IMP4: variants seen among roughly 807,000 people sequenced by gnomAD.
IMP4 encodes U3 small nucleolar ribonucleoprotein IMP4.
A neutral mutation model predicts 42.7 loss-of-function variants in IMP4; 30 were observed. That is an observed-to-expected ratio of 0.70 (90% CI 0.53 to 0.95). IMP4 has a LOEUF of 0.95. Ranked by LOEUF, IMP4 falls within the 40% of genes least tolerant of loss-of-function variation. The probability of loss-of-function intolerance (pLI) is 0.00; values close to 1 mark genes in which losing one functional copy is unlikely to be tolerated. For synonymous variants in IMP4, 165 were observed against 165.2 expected (o/e 1.00, Z 0.01); for missense variants, 382 against 411.4 (o/e 0.93, Z 0.62).
In IMP4 at chr2:130,345,232, C is replaced by A; in HGVS notation, c.197-144C>A. 1 of 660,810 alleles carries A rather than the reference C, an allele frequency of 1.5e-6. No homozygotes were observed. Among genetic ancestry groups the A allele is most frequent in the Admixed American group, 2.3e-5 (1 of 43,114 alleles). 40.9% of individuals were successfully genotyped at this position (660,810 alleles called of 1,614,324 possible). Reference sequence around the variant, plus strand: ...GCTCAGCAGCCAGAGTAGTTGGAGGCTGCCCTCTTGCCCGGTGTGCATGTG... The same window carrying A: ...GCTCAGCAGCCAGAGTAGTTGGAGGATGCCCTCTTGCCCGGTGTGCATGTG... On this transcript the variant is annotated intron_variant, in intron 3 of 8. Coordinates refer to ENST00000259239, the MANE Select transcript of IMP4 (RefSeq NM_033416.3). The surrounding 1 kb of genome is among the most constrained non-coding windows in gnomAD (Gnocchi z 4.9).
In IMP4 at chr2:130,345,676, T is replaced by C. The variant is rs745738850; in HGVS notation, c.416T>C (p.Val139Ala). 6.2e-7 allele frequency: 1 copy of C among 1,613,908 alleles called. No individual in the cohort carries two copies. Among genetic ancestry groups the C allele is most frequent in the South Asian group, 1.1e-5 (1 of 91,068 alleles). ...KANGVTDLLV[V>A]HEHRGTPVGL... ...AACGGCGTCACCGATCTGCTGGTCG[T>C]TCACGAGCATCGGGGCACACCTGGT... Residue 139 changes from valine (V) to alanine (A), a missense_variant, in exon 5 of 9, where the codon GTT becomes GCT. Physicochemically the swap from Val to Ala is moderately conservative, Grantham distance 64 (BLOSUM62 0). Coordinates refer to ENST00000259239, the MANE Select transcript of IMP4 (RefSeq NM_033416.3). The surrounding 1 kb of genome is among the most constrained non-coding windows in gnomAD (Gnocchi z 4.9).
At position 130,345,842 on chromosome 2, in the gene IMP4, T is replaced by C. The variant is rs1335567965; in HGVS notation, c.503T>C (p.Val168Ala). 1 of 1,613,980 alleles carries C rather than the reference T, an allele frequency of 6.2e-7. No homozygotes were observed. The highest frequency in any genetic ancestry group is 1.3e-5 in the African/African-American group (1 of 74,904). ...GCCTACTTCACGCTGTGCAATGTGG[T>C]CATGCGGCATGACATCCCAGACCTG... is the stretch of plus-strand genomic sequence containing the variant. ...PTAYFTLCNVVMRHDIPDLGT... is the reference protein window; with the variant it reads ...PTAYFTLCNVAMRHDIPDLGT... Residue 168 changes from valine to alanine, a missense_variant, in exon 6 of 9, where the codon GTC becomes GCC. Val to Ala is a moderately conservative substitution (Grantham distance 64). Coordinates refer to ENST00000259239, the MANE Select transcript of IMP4 (RefSeq NM_033416.3). This position sits in a 1 kb window ranked among gnomAD's most constrained non-coding sequence, Gnocchi z 4.9.
In IMP4 at chr2:130,346,662, G is replaced by A; in HGVS notation, c.*194G>A. ...TGAGTGGTCAGGCCAAGTCTGCAGG[G>A]CAAAGCCCATGGGATCCCTTTGGGT... is the stretch of plus-strand genomic sequence containing the variant. On this transcript the variant is annotated 3_prime_UTR_variant, in exon 9 of 9. Transcript: ENST00000259239. 3.3e-6 allele frequency: 2 copies of A among 612,554 alleles called. No individual in the cohort carries two copies. The highest frequency in any genetic ancestry group is 3.7e-5 in the African/African-American group (2 of 54,526). 37.9% of individuals were successfully genotyped at this position (612,554 alleles called of 1,614,324 possible).
intron 2 of IMP4, among the ~76,000 whole-genome samples, chr2:130,344,219 T>G (rs955503010): frequency 7.7e-4 from 117 of 152,104 alleles, no homozygotes; most frequent in African/African-American, 2.7e-3. Context: ...TCCCAGCTAC[T>G]CGCCAGCCTG....
In IMP4 at chr2:130,343,266, C is replaced by T. The variant is rs1558827774; in HGVS notation, c.112+72C>T. Reference sequence around the variant, plus strand: ...ACGCATTTGTGTTCGAATATCCGAGCGTCTTTCCAAATGCTTGCCGGCCGT... The same window carrying T: ...ACGCATTTGTGTTCGAATATCCGAGTGTCTTTCCAAATGCTTGCCGGCCGT... On this transcript the variant is annotated intron_variant, in intron 2 of 8. Transcript: ENST00000259239. The T allele has an allele frequency of 2.7e-6, 3 of 1,114,282 alleles. No individual in the cohort carries two copies. In the Admixed American group the frequency reaches 5.9e-5, roughly 22 times the overall value. 69.0% of individuals were successfully genotyped at this position (1,114,282 alleles called of 1,614,324 possible).
chr2:130,345,237 C>T lies in IMP4; in HGVS notation c.197-139C>T. On this transcript the variant is annotated intron_variant, in intron 3 of 8. Coordinates refer to ENST00000259239, the MANE Select transcript of IMP4 (RefSeq NM_033416.3). The surrounding 1 kb of genome is among the most constrained non-coding windows in gnomAD (Gnocchi z 4.9). ...GCAGCCAGAGTAGTTGGAGGCTGCC[C>T]TCTTGCCCGGTGTGCATGTGGAGCA... The T allele has an allele frequency of 1.5e-6, 1 of 678,326 alleles. No homozygotes were observed. The highest frequency in any genetic ancestry group is 2.7e-6 in the Non-Finnish European group (1 of 374,324). 42.0% of individuals were successfully genotyped at this position (678,326 alleles called of 1,614,324 possible).
At position 130,346,746 on chromosome 2, in the gene IMP4, G is replaced by A. The variant is rs1679608001; in HGVS notation, c.*278G>A. ...TGGAGTCAGTGTGGGGGTTAACAGA[G>A]AGAGAGATTTGATGCTAACGTCCCC... On this transcript the variant is annotated 3_prime_UTR_variant, in exon 9 of 9. Coordinates refer to ENST00000259239, the MANE Select transcript of IMP4 (RefSeq NM_033416.3). 13 of 515,558 alleles carry A rather than the reference G, an allele frequency of 2.5e-5. No individual in the cohort carries two copies. In the South Asian group the frequency reaches 2.8e-4, roughly 11 times the overall value. 31.9% of individuals were successfully genotyped at this position (515,558 alleles called of 1,614,324 possible). A position where few individuals can be genotyped will look rare whatever the true frequency, so the allele number is the denominator to read the frequency against.
Position 130,346,513 on chromosome 2 carries a change from G to A in IMP4, c.*45G>A, listed in dbSNP as rs768663794. ...AGGACATGGACTTGGAACTCAGGAT[G>A]GGGCTGTCATAGACAGACCCACCAG... On this transcript the variant is annotated 3_prime_UTR_variant, in exon 9 of 9. Coordinates refer to ENST00000259239, the MANE Select transcript of IMP4 (RefSeq NM_033416.3). The A allele has an allele frequency of 7.3e-7, 1 of 1,375,076 alleles. No individual in the cohort carries two copies. The highest frequency in any genetic ancestry group is 1.2e-5 in the South Asian group (1 of 80,592). The allele number at this position is 1,375,076 out of a possible 1,614,324, so 85.2% of individuals were successfully genotyped here.
chr2:130,344,657 C>T lies in IMP4; in HGVS notation c.141C>T (p.Arg47=). The part of the protein sequence containing the change: ...EENRLIPTEL[R]REALALQGSL... ...ACCGCCTGATTCCCACTGAGTTACG[C>T]CGAGAGGCTCTGGCCTTACAGGGGT... Residue 47 remains arginine, a synonymous_variant, in exon 3 of 9, where the codon CGC becomes CGT. Transcript: ENST00000259239. The T allele has an allele frequency of 6.2e-7, 1 of 1,614,136 alleles. No individual in the cohort carries two copies. The highest frequency in any genetic ancestry group is 8.5e-7 in the Non-Finnish European group (1 of 1,179,950).
Position 130,345,453 on chromosome 2 carries a change from G to C in IMP4, c.274G>C (p.Asp92His). The C allele has an allele frequency of 6.2e-7, 1 of 1,614,084 alleles. No individual in the cohort carries two copies. The highest frequency in any genetic ancestry group is 8.5e-7 in the Non-Finnish European group (1 of 1,180,002). Reference protein sequence around the residue: ...DPKVMITTSRDPSSRLKMFAK... With the variant: ...DPKVMITTSRHPSSRLKMFAK... ...CAAGGTTATGATCACTACCTCCCGA[G>C]ACCCCAGTTCCCGCCTCAAGATGTT... The change falls in exon 4 of 9, where the codon GAC (aspartate) becomes CAC (histidine). Residue 92 changes from aspartate to histidine, a missense_variant. Coordinates refer to ENST00000259239, the MANE Select transcript of IMP4 (RefSeq NM_033416.3). This position sits in a 1 kb window ranked among gnomAD's most constrained non-coding sequence, Gnocchi z 4.9.
Position 130,347,937 on chromosome 2 carries a change from G to T in IMP4, c.*1469G>T, listed in dbSNP as rs1011406913. On this transcript the variant is annotated 3_prime_UTR_variant, in exon 9 of 9. Coordinates refer to ENST00000259239, the MANE Select transcript of IMP4 (RefSeq NM_033416.3). Reference sequence around the variant, plus strand: ...AGCCATTGAGAAGCTCCTCAAGATAGACATTAAATACAAAGAAGCATGGTG... The same window carrying T: ...AGCCATTGAGAAGCTCCTCAAGATATACATTAAATACAAAGAAGCATGGTG... 1 of 152,254 alleles carries T rather than the reference G, an allele frequency of 6.6e-6. No homozygotes were observed. The highest frequency in any genetic ancestry group is 2.4e-5 in the African/African-American group (1 of 41,454). 9.4% of individuals were successfully genotyped at this position (152,254 alleles called of 1,614,324 possible). A position where few individuals can be genotyped will look rare whatever the true frequency, so the allele number is the denominator to read the frequency against.
Position 130,346,405 on chromosome 2 carries a change from G to A in IMP4, c.813G>A (p.Val271=). ...GTLEQEATAD[V]EWRWHPYTNT... ...TGGAGCAGGAGGCCACAGCAGACGT[G>A]GAGTGGCGCTGGCACCCTTACACCA... The change falls in exon 9 of 9, where the codon GTG becomes GTA. Residue 271 remains valine (V), a synonymous_variant. Coordinates refer to ENST00000259239, the MANE Select transcript of IMP4 (RefSeq NM_033416.3). 4 of 1,576,632 alleles carry A rather than the reference G, an allele frequency of 2.5e-6. No homozygotes were observed. The highest frequency in any genetic ancestry group is 1.3e-5 in the African/African-American group (1 of 74,524).
At position 130,346,189 on chromosome 2, in the gene IMP4, G is replaced by T. The variant is rs1346237938; in HGVS notation, c.690-12G>T. The T allele has an allele frequency of 4.3e-6, 7 of 1,614,102 alleles. No homozygotes were observed. Among genetic ancestry groups the T allele is most frequent in the Middle Eastern group, 1.6e-4 (1 of 6,062 alleles). On this transcript the variant is annotated splice_polypyrimidine_tract_variant and intron_variant, in intron 7 of 8. Coordinates refer to ENST00000259239, the MANE Select transcript of IMP4 (RefSeq NM_033416.3). ...TGCTGCTTGCCGTTGACCCACAGCTGTTCCCTCCCAGGCACCATGTGTATA... is the reference window on the plus strand; with the variant it reads ...TGCTGCTTGCCGTTGACCCACAGCTTTTCCCTCCCAGGCACCATGTGTATA...
Position 130,346,221 on chromosome 2 carries a change from C to T in IMP4, c.710C>T (p.Thr237Ile), listed in dbSNP as rs1243537271. The T allele has an allele frequency of 3.1e-6, 5 of 1,614,126 alleles. No individual in the cohort carries two copies. The South Asian group carries it at 5.5e-5, about 18-fold the overall frequency. Residue 237 changes from threonine (T) to isoleucine (I), a missense_variant, in exon 8 of 9, where the codon ACA becomes ATA. Physicochemically the swap from Thr to Ile is moderately conservative, Grantham distance 89. Transcript: ENST00000259239. ...CCCAGGCACCATGTGTATAAGAAGA[C>T]AGACCACCGCAACGTGGAGCTCACT... ...ISFRHHVYKK[T>I]DHRNVELTEV...
chr2:130,345,497 C>T lies in IMP4; in HGVS notation c.306+12C>T. 6.2e-7 allele frequency: 1 copy of T among 1,613,920 alleles called. No individual in the cohort carries two copies. The highest frequency in any genetic ancestry group is 8.5e-7 in the Non-Finnish European group (1 of 1,179,890). Reference sequence around the variant, plus strand: ...AGATGTTTGCAAAGGTACTGGTGAGCAGGGAGTGAGGGAGAGACACCCAGG... The same window carrying T: ...AGATGTTTGCAAAGGTACTGGTGAGTAGGGAGTGAGGGAGAGACACCCAGG... On this transcript the variant is annotated intron_variant, in intron 4 of 8. Transcript: ENST00000259239. This position sits in a 1 kb window ranked among gnomAD's most constrained non-coding sequence, Gnocchi z 4.9.
chr2:130,344,576 G>T (rs1028521425), intron 2 of IMP4, 53 bp from the exon 3 acceptor site: 3 of 1,155,538 alleles, frequency 2.6e-6, no homozygotes, highest in Non-Finnish European at 3.9e-6. Context: ...TATTGGATGA[G>T]CTGAGGTCTC....
intron 2 of IMP4, among the ~76,000 whole-genome samples, chr2:130,343,600 G>A (rs1273790284): frequency 1.3e-5 from 2 of 152,042 alleles, no homozygotes; most frequent in Admixed American, 1.3e-4. Flanking sequence ...TTAGCCGGCC[G>A]TGGTGGCACG....
At chr2:130,343,810 C>T (rs1052745932) in intron 2 of IMP4, among the ~76,000 whole-genome samples, 25 of 152,118 alleles carry the variant, frequency 1.6e-4, no homozygotes, top group Admixed American at 5.2e-4. Context: ...CTGCGCTGCC[C>T]ATCCTCCCTG....
chr2:130,344,984 CATT>C (rs1052582522), intron 3 of IMP4: 2 of 573,544 alleles, frequency 3.5e-6, no homozygotes, highest in African/African-American at 3.7e-5. Flanking sequence ...GTCCCTCACA[CATT>C]ATTGGTGCCC....
Sources: gnomAD v4.1 joint callset for allele counts (sites outside exome capture counted in the v4.1 genomes callset) on GRCh38, gnomAD v4.1.1 for gene constraint, Gnocchi (gnomAD v3.1) non-coding constraint, MANE v1.5 for transcripts, NCBI Gene and HGNC (gene_info 2026-07-23, HGNC 2026-07-21) for gene names.